Variants in TRPC5 observed in about 807,000 individuals in gnomAD.
The protein encoded by TRPC5 is transient receptor potential cation channel subfamily C member 5, also known as short transient receptor potential channel 5.
A neutral mutation model predicts 56.5 loss-of-function variants in TRPC5; 9 were observed. That is an observed-to-expected ratio of 0.16 (90% CI 0.10 to 0.28). The LOEUF (loss-of-function observed/expected upper bound fraction) is 0.28. Ranked by LOEUF, TRPC5 falls within the 10% of genes least tolerant of loss-of-function variation. The pLI is 1.00. For missense variants in TRPC5, 469 were observed against 748.9 expected (o/e 0.63, Z 4.36); for synonymous variants, 282 against 278.5 (o/e 1.01, Z -0.13).
intron 7 of TRPC5, among the ~76,000 whole-genome samples, chrX:111,793,053 C>T (rs770281112): frequency 9.0e-6 from 1 of 111,165 alleles, no homozygotes; most frequent in Non-Finnish European, 1.9e-5. Context: ...TAAACCTTCA[C>T]AGGGAGTCAT....
intron 1 of TRPC5, among the ~76,000 whole-genome samples, chrX:112,026,907 GA>G (rs372801512): frequency 1.3e-3 from 118 of 90,456 alleles, no homozygotes; most frequent in Middle Eastern, 0.012. Flanking sequence ...GTGAGACCAT[GA>G]AAAAAAAAAA....
intron 7 of TRPC5, among the ~76,000 whole-genome samples, chrX:111,811,687 G>A (rs1921714190): frequency 1.8e-5 from 2 of 111,288 alleles, no homozygotes; most frequent in African/African-American, 6.5e-5. Flanking sequence ...AAGTCTTTGA[G>A]TCACAGTTTT....
chrX:111,888,527 A>G (rs1252897975), intron 3 of TRPC5, among the ~76,000 whole-genome samples: 2 of 104,320 alleles, frequency 1.9e-5, no homozygotes, highest in African/African-American at 7.0e-5. Context: ...AAAAAAAAGA[A>G]AGAAAAGAAA....
chrX:111,841,938 T>G (rs933091396), intron 6 of TRPC5, among the ~76,000 whole-genome samples: 12 of 107,105 alleles, frequency 1.1e-4, no homozygotes, highest in Non-Finnish European at 2.1e-4. Context: ...CTCAAACTCC[T>G]TACCTTAGGT....
chrX:111,850,493 A>G (rs1923054653), intron 5 of TRPC5, among the ~76,000 whole-genome samples: 1 of 112,109 alleles, frequency 8.9e-6, no homozygotes. Context: ...AAGTTGGCTC[A>G]GCCTGCTTGG....
Position 112,018,976 on chromosome X carries a change from G to T in TRPC5, c.-22+62903C>A, listed in dbSNP as rs1569529654. ...TAAATGTTTGCTTTCTTCCAAGTCA[G>T]CTGGATCCTGTCTCTCTGACTTCCT... On this transcript the variant is annotated intron_variant, in intron 1 of 10. Transcript: ENST00000262839. 4.4e-5 allele frequency among the ~76,000 whole-genome samples: 5 copies of T among 112,510 alleles called. No homozygotes were observed. In the South Asian group the frequency reaches 1.8e-3, roughly 41 times the overall value.
chrX:111,904,263 T>C, intron 3 of TRPC5, among the ~76,000 whole-genome samples: 1 of 112,462 alleles, frequency 8.9e-6, no homozygotes, highest in East Asian at 2.8e-4. Context: ...GCCTTTGGCA[T>C]GACATATCTG....
At chrX:112,011,566 C>G (rs957691495) in intron 1 of TRPC5, among the ~76,000 whole-genome samples, 1 of 111,630 alleles carries the variant, frequency 9.0e-6, no homozygotes, top group Non-Finnish European at 1.9e-5. Context: ...TTGCCTGGAA[C>G]TGGGAGGCTC....
intron 3 of TRPC5, among the ~76,000 whole-genome samples, chrX:111,869,383 C>A (rs1214247340): frequency 9.0e-6 from 1 of 111,667 alleles, no homozygotes; most frequent in African/African-American, 3.3e-5. Flanking sequence ...TTGTTCTAAG[C>A]TGGCTCTGTT....
At chrX:111,905,757 AC>A (rs1925577738) in intron 3 of TRPC5, among the ~76,000 whole-genome samples, 1 of 109,492 alleles carries the variant, frequency 9.1e-6, no homozygotes, top group East Asian at 2.9e-4. Context: ...TACTAAAAAT[AC>A]AAAAAAATTA....
intron 7 of TRPC5, among the ~76,000 whole-genome samples, chrX:111,807,938 GTCTC>G (rs1171739056): frequency 6.1e-5 from 6 of 98,090 alleles, no homozygotes; most frequent in Non-Finnish European, 1.2e-4. Context: ...AACAAATGGA[GTCTC>G]TCTCTCTCTC....
intron 2 of TRPC5, among the ~76,000 whole-genome samples, chrX:111,924,319 T>C (rs1926201304): frequency 9.0e-6 from 1 of 111,339 alleles, no homozygotes; most frequent in Admixed American, 9.5e-5. Flanking sequence ...GTTGAGACCT[T>C]GGGTGACAAA....
At chrX:111,980,909 A>C (rs936993412) in intron 1 of TRPC5, among the ~76,000 whole-genome samples, 1 of 96,095 alleles carries the variant, frequency 1.0e-5, no homozygotes, top group Non-Finnish European at 2.0e-5. Context: ...TATTATATAT[A>C]TGTATATATA....
chrX:111,996,007 A>T (rs1928518580), intron 1 of TRPC5, among the ~76,000 whole-genome samples: 1 of 105,983 alleles, frequency 9.4e-6, no homozygotes, highest in Admixed American at 1.0e-4. Flanking sequence ...GATCTTAGTT[A>T]TTTCTTGCCT....
rs771687166 is a variant in TRPC5, at chrX:111,862,259, A to G, written c.901-8153T>C. Among the ~76,000 whole-genome samples the G allele has an allele frequency of 5.4e-5, 6 of 112,054 alleles. No homozygotes were observed. The East Asian group carries it at 1.7e-3, about 31-fold the overall frequency. Reference sequence around the variant, plus strand: ...TGCCTTACAACCTCAAGAGAAAAATATATGGCACCAAGGCCTGATTCTTTC... The same window carrying G: ...TGCCTTACAACCTCAAGAGAAAAATGTATGGCACCAAGGCCTGATTCTTTC... On this transcript the variant is annotated intron_variant, in intron 3 of 10. Coordinates refer to ENST00000262839, the MANE Select transcript of TRPC5 (RefSeq NM_012471.3).
At chrX:111,806,452 G>A (rs1027045336) in intron 7 of TRPC5, among the ~76,000 whole-genome samples, 1 of 112,160 alleles carries the variant, frequency 8.9e-6, no homozygotes, top group African/African-American at 3.2e-5. Flanking sequence ...GAAGGTCTTA[G>A]AGCCTTGTTA....
intron 1 of TRPC5, among the ~76,000 whole-genome samples, chrX:112,003,217 A>T (rs1928745246): frequency 8.9e-6 from 1 of 111,965 alleles, no homozygotes; most frequent in African/African-American, 3.2e-5. Flanking sequence ...AATAATTCAA[A>T]AAACATTACA....
chrX:112,047,779 T>C, intron 1 of TRPC5, among the ~76,000 whole-genome samples: 1 of 112,018 alleles, frequency 8.9e-6, no homozygotes, highest in South Asian at 3.7e-4. Context: ...TGGCTATTTC[T>C]TTCTCATCCT....
chrX:111,859,508 A>G (rs755882366), intron 3 of TRPC5, among the ~76,000 whole-genome samples: 20 of 112,381 alleles, frequency 1.8e-4, no homozygotes, highest in Non-Finnish European at 2.8e-4. Flanking sequence ...ACTCTGTTAT[A>G]TAGAAGGAAT....
Sources: allele counts gnomAD v4.1 joint callset (sites outside exome capture counted in the v4.1 genomes callset), GRCh38; gene constraint gnomAD v4.1.1; transcripts MANE v1.5; gene names NCBI Gene and HGNC (gene_info 2026-07-23, HGNC 2026-07-21).